GRIN2B: variants seen among roughly 807,000 people sequenced by gnomAD.
The protein encoded by GRIN2B is glutamate ionotropic receptor NMDA type subunit 2B.
A neutral mutation model predicts 114.5 loss-of-function variants in GRIN2B; 5 were observed. The observed-to-expected ratio is 0.04, with a 90% CI of 0.02 to 0.09. The LOEUF is 0.09. GRIN2B is among the 10% of genes least tolerant of loss of function. GRIN2B has a pLI of 1.00. For synonymous variants in GRIN2B, 787 were observed against 745.1 expected (o/e 1.06, Z -0.92); for missense variants, 1,108 against 1,943.5 (o/e 0.57, Z 8.08).
At chr12:13,622,093 G>A (rs149878851) in intron 5 of GRIN2B, among the ~76,000 whole-genome samples, 147 of 152,224 alleles carry the variant, frequency 9.7e-4, no homozygotes, top group African/African-American at 3.4e-3. Flanking sequence ...CGGTCTCCTC[G>A]GGCTGCCTCT....
chr12:13,682,291 T>C (rs1006934540), intron 4 of GRIN2B, among the ~76,000 whole-genome samples: 1 of 152,164 alleles, frequency 6.6e-6, no homozygotes, highest in Middle Eastern at 3.2e-3. Context: ...ATGTCATATA[T>C]AAAAATATTA....
Position 13,553,980 on chromosome 12 carries a change from CA to C in GRIN2B, c.*8802del, listed in dbSNP as rs1948448227. ...TCCATTTGAAATAATGAACTGTATA[CA>C]TGTAGTATATACATGTGATTGTGTG... On this transcript the variant is annotated 3_prime_UTR_variant, in exon 14 of 14. Transcript: ENST00000609686. The C allele has an allele frequency of 6.6e-6, 1 of 152,116 alleles. No homozygotes were observed. Among genetic ancestry groups the C allele is most frequent in the Non-Finnish European group, 1.5e-5 (1 of 68,020 alleles). The allele number at this position is 152,116 out of a possible 1,614,324, so 9.4% of individuals were successfully genotyped here.
chr12:13,869,983 A>C (rs1865881707), intron 2 of GRIN2B, among the ~76,000 whole-genome samples: 1 of 152,198 alleles, frequency 6.6e-6, no homozygotes, highest in Non-Finnish European at 1.5e-5. Flanking sequence ...ACAGATCCAA[A>C]GGATATTACG....
chr12:13,981,919 G>C (rs1461700165), upstream of GRIN2B: 3 of 153,308 alleles, frequency 2.0e-5, no homozygotes, highest in Admixed American at 6.6e-5. Flanking sequence ...CCCCTACCTC[G>C]CACACCCTGA....
rs1948323206 is a variant in GRIN2B at position 13,544,784 on chromosome 12, C to G, written c.*17999G>C. 1 of 152,214 alleles carries G rather than the reference C, an allele frequency of 6.6e-6. No homozygotes were observed. Among genetic ancestry groups the G allele is most frequent in the South Asian group, 2.1e-4 (1 of 4,826 alleles). 9.4% of individuals were successfully genotyped at this position (152,214 alleles called of 1,614,324 possible). A position where few individuals can be genotyped will look rare whatever the true frequency, so the allele number is the denominator to read the frequency against. On this transcript the variant is annotated 3_prime_UTR_variant, in exon 14 of 14. Transcript: ENST00000609686. The stretch of plus-strand genomic sequence containing the variant: ...ATCCAACTGCTTCTTATCACCTCCC[C>G]TGCTAACATCATGGCCCAAGCAACT...
intron 2 of GRIN2B, among the ~76,000 whole-genome samples, chr12:13,927,961 T>TTC (rs1293782535): frequency 6.1e-3 from 8 of 1,314 alleles, no homozygotes; most frequent in South Asian, 0.062. Flanking sequence ...AGCAAGACCC[T>TTC]GTCTCAAAAA....
intron 10 of GRIN2B, among the ~76,000 whole-genome samples, chr12:13,595,379 G>A (rs191709131): frequency 5.9e-5 from 9 of 152,288 alleles, no homozygotes; most frequent in Admixed American, 5.2e-4. Context: ...GCCAGACCCT[G>A]TGCTTGCAGA....
intron 10 of GRIN2B, among the ~76,000 whole-genome samples, chr12:13,607,366 ATTATATATT>A (rs1949284762): frequency 2.2e-5 from 1 of 44,824 alleles, no homozygotes; most frequent in South Asian, 4.2e-4. Flanking sequence ...TATAATATAT[ATTATATATT>A]ATATATATAA....
chr12:13,896,626 C>T (rs1866359990), intron 2 of GRIN2B, among the ~76,000 whole-genome samples: 3 of 152,120 alleles, frequency 2.0e-5, no homozygotes, highest in African/African-American at 7.2e-5. Context: ...TAAAATAATA[C>T]TCATATGATG....
At chr12:13,778,253 C>A (rs905567262) in intron 3 of GRIN2B, among the ~76,000 whole-genome samples, 1 of 151,764 alleles carries the variant, frequency 6.6e-6, no homozygotes, top group Non-Finnish European at 1.5e-5. Flanking sequence ...ACTCTGAATC[C>A]CCTCAAACTC....
At chr12:13,958,832 A>G (rs957837102) in intron 2 of GRIN2B, among the ~76,000 whole-genome samples, 1 of 152,160 alleles carries the variant, frequency 6.6e-6, no homozygotes, top group Non-Finnish European at 1.5e-5. Flanking sequence ...AAAGTCACCC[A>G]TAAAATATGC....
At chr12:13,970,937 C>G (rs894907612) in intron 2 of GRIN2B, among the ~76,000 whole-genome samples, 2 of 152,132 alleles carry the variant, frequency 1.3e-5, no homozygotes, top group Non-Finnish European at 2.9e-5. Flanking sequence ...AGAAACAATT[C>G]TGGAGCCTCT....
At chr12:13,621,530 T>C (rs1234912229) in intron 5 of GRIN2B, among the ~76,000 whole-genome samples, 1 of 150,210 alleles carries the variant, frequency 6.7e-6, no homozygotes, top group Non-Finnish European at 1.5e-5. Flanking sequence ...AAAATTCAGT[T>C]ATCTGCCATT....
chr12:13,969,833 G>A (rs1012615306), intron 2 of GRIN2B, among the ~76,000 whole-genome samples: 3 of 152,154 alleles, frequency 2.0e-5, no homozygotes, highest in Admixed American at 1.3e-4. Context: ...CTTTGTAAAT[G>A]GGTACATAAT....
At chr12:13,680,272 T>C (rs1950115295) in intron 4 of GRIN2B, among the ~76,000 whole-genome samples, 1 of 152,136 alleles carries the variant, frequency 6.6e-6, no homozygotes, top group Admixed American at 6.6e-5. Flanking sequence ...CATGTGTGAA[T>C]CCTGGGTAAA....
At chr12:13,814,612 C>T (rs1864785393) in intron 3 of GRIN2B, among the ~76,000 whole-genome samples, 1 of 152,158 alleles carries the variant, frequency 6.6e-6, no homozygotes, top group Admixed American at 6.5e-5. Context: ...ATTTTTTCCT[C>T]CATTATCAAG....
In GRIN2B at chr12:13,615,696, CAAAA is replaced by C. The variant is rs1171254933; in HGVS notation, c.1329-36_1329-33del. 1.3e-6 allele frequency: 2 copies of C among 1,596,538 alleles called. No individual in the cohort carries two copies. Among genetic ancestry groups the C allele is most frequent in the Non-Finnish European group, 1.7e-6 (2 of 1,164,278 alleles). The stretch of plus-strand genomic sequence containing the variant: ...AATTAAAGAAACAAAAACAAACAAA[CAAAA>C]AAGTCTTTGTACAAAAAGCCAACAT... On this transcript the variant is annotated intron_variant, in intron 6 of 13. Coordinates refer to ENST00000609686, the MANE Select transcript of GRIN2B (RefSeq NM_000834.5). The surrounding 1 kb of genome is among the most constrained non-coding windows in gnomAD (Gnocchi z 5.8).
At chr12:13,572,602 T>A (rs1024410336) in intron 10 of GRIN2B, among the ~76,000 whole-genome samples, 1 of 152,160 alleles carries the variant, frequency 6.6e-6, no homozygotes, top group African/African-American at 2.4e-5. Flanking sequence ...TGAGAGTACA[T>A]CTCCAGTGCC....
At chr12:13,871,599 A>T (rs1015234318) in intron 2 of GRIN2B, among the ~76,000 whole-genome samples, 1 of 151,912 alleles carries the variant, frequency 6.6e-6, no homozygotes, top group Non-Finnish European at 1.5e-5. Flanking sequence ...CACTTACTGC[A>T]TTAAAAACTT....
Sources: allele counts gnomAD v4.1 joint callset (sites outside exome capture counted in the v4.1 genomes callset), GRCh38; gene constraint gnomAD v4.1.1; non-coding constraint Gnocchi (gnomAD v3.1); transcripts MANE v1.5; gene names NCBI Gene and HGNC (gene_info 2026-07-23, HGNC 2026-07-21).